Variants in HS1BP3 observed in about 807,000 individuals in gnomAD.
HS1BP3 encodes the protein HCLS1 binding protein 3, also known as HCLS1-binding protein 3.
A neutral mutation model predicts 33.5 loss-of-function variants in HS1BP3; 32 were observed. The observed-to-expected ratio is 0.95, with a 90% CI of 0.72 to 1.28. The LOEUF (loss-of-function observed/expected upper bound fraction) is 1.28. Among genes scored for constraint, HS1BP3 ranks in the 50% most tolerant of loss-of-function variants. The pLI is 0.00. For missense variants in HS1BP3, 486 were observed against 502.3 expected (o/e 0.97, Z 0.31); for synonymous variants, 187 against 209.2 (o/e 0.89, Z 0.92).
At chr2:20,596,087 A>G (rs1693936879) in intron 3 of HS1BP3, among the ~76,000 whole-genome samples, 1 of 152,122 alleles carries the variant, frequency 6.6e-6, no homozygotes, top group African/African-American at 2.4e-5. Flanking sequence ...CAGTAGCTTG[A>G]AAACCGCTGA....
chr2:20,555,827 A>G (rs1692828261), downstream of HS1BP3, among the ~76,000 whole-genome samples: 1 of 152,170 alleles, frequency 6.6e-6, no homozygotes, highest in African/African-American at 2.4e-5. Flanking sequence ...TCTTGATCTT[A>G]GAAACTCCCA....
intron 2 of HS1BP3, among the ~76,000 whole-genome samples, chr2:20,603,051 G>T (rs983413653): frequency 6.6e-6 from 1 of 152,182 alleles, no homozygotes; most frequent in African/African-American, 2.4e-5. Context: ...CATGAGGATG[G>T]CTATCATTAA....
chr2:20,631,625 T>C (rs1694972034), intron 4 of HS1BP3, among the ~76,000 whole-genome samples: 1 of 150,306 alleles, frequency 6.7e-6, no homozygotes, highest in African/African-American at 2.5e-5. Flanking sequence ...TCCAAGGACC[T>C]GTTTCTCAAC....
At chr2:20,564,371 G>T (rs973754801) in intron 5 of HS1BP3, among the ~76,000 whole-genome samples, 1 of 152,214 alleles carries the variant, frequency 6.6e-6, no homozygotes, top group African/African-American at 2.4e-5. Context: ...TCCAGCTCTG[G>T]GCTCCCTCAG....
rs267599170 is a variant in HS1BP3, at chr2:20,638,518, G to A, written c.541C>T (p.Pro181Ser). 2 of 1,614,236 alleles carry A rather than the reference G, an allele frequency of 1.2e-6. No individual in the cohort carries two copies. Among genetic ancestry groups the A allele is most frequent in the Non-Finnish European group, 1.7e-6 (2 of 1,180,028 alleles). Residue 181 changes from proline (P) to serine (S), a missense_variant, in exon 4 of 7, where the codon CCG (proline) becomes TCG (serine). Transcript: ENST00000304031. ...EEQDQVAEEG[P>S]PVQSLKGEDA... Reference sequence around the variant, plus strand: ...TCGCCCTTCAGGCTCTGGACGGGCGGACCCTCTTCTGCCACTTGGTCTTGC... The same window carrying A: ...TCGCCCTTCAGGCTCTGGACGGGCGAACCCTCTTCTGCCACTTGGTCTTGC...
intron 5 of HS1BP3, among the ~76,000 whole-genome samples, chr2:20,578,984 A>C (rs989450445): frequency 1.3e-5 from 2 of 152,236 alleles, no homozygotes; most frequent in African/African-American, 2.4e-5. Context: ...GTGGAAAGTC[A>C]GGCGGTGTCC....
At chr2:20,623,729 C>T in intron 6 of HS1BP3, 167 bp downstream of exon 6, 1 of 717,032 alleles carries the variant, frequency 1.4e-6, no homozygotes, top group African/African-American at 1.8e-5. Context: ...CCCTCAGCCC[C>T]CTTCACCGCC....
In HS1BP3 at chr2:20,598,539, CTTTTTTTTTTTTTTTTTTTTTTTTT is replaced by C. The variant is rs67769731; in HGVS notation, c.179-299_179-275del. Among the ~76,000 whole-genome samples, 7 of 63,872 alleles carry C rather than the reference CTTTTTTTTTTTTTTTTTTTTTTTTT, an allele frequency of 1.1e-4. No homozygotes were observed. The Admixed American group carries it at 1.2e-3, about 11-fold the overall frequency. The allele number at this position is 63,872 out of a possible 152,430, so 41.9% of individuals were successfully genotyped here. On this transcript the variant is annotated intron_variant, in intron 2 of 3. Transcript: ENST00000415264. ...CCTAACAGGCCAGGGACCGGTACTTCTTTTTTTTTTTTTTTTTTTTTTTTTTTTTTTTTTTTTGAGACGGAGTCTC... is the reference window on the plus strand; with the variant it reads ...CCTAACAGGCCAGGGACCGGTACTTCTTTTTTTTTTTTGAGACGGAGTCTC...
intron 3 of HS1BP3, among the ~76,000 whole-genome samples, chr2:20,593,689 C>A (rs1403284800): frequency 1.3e-5 from 2 of 152,164 alleles, no homozygotes; most frequent in Admixed American, 1.3e-4. Flanking sequence ...CCTCCCACAA[C>A]CTTCCCCCAC....
chr2:20,559,428 G>A (rs1692920024), downstream of HS1BP3, among the ~76,000 whole-genome samples: 1 of 152,206 alleles, frequency 6.6e-6, no homozygotes, highest in South Asian at 2.1e-4. Flanking sequence ...TTTGTTGGAT[G>A]TGTGGATGGA....
rs567855923 is a variant in HS1BP3, at chr2:20,561,922, C to T, written c.303-1407G>A. 4.6e-5 allele frequency among the ~76,000 whole-genome samples: 7 copies of T among 152,238 alleles called. No homozygotes were observed. The South Asian group carries it at 1.5e-3, about 32-fold the overall frequency. On this transcript the variant is annotated intron_variant, in intron 5 of 5. Coordinates refer to the HS1BP3 transcript ENST00000446825. ...GGGACTTCTAACCCTAGCGCCCAAC[C>T]TCCTGGGGTGGAAGAGAGGCTGAAG...
chr2:20,554,654 G>A, the HS1BP3 span, among the ~76,000 whole-genome samples: 5 of 150,978 alleles, frequency 3.3e-5, no homozygotes, highest in Admixed American at 6.6e-5. Context: ...CCCAGGAGGC[G>A]GAGGTTGCAA....
intron 2 of HS1BP3, among the ~76,000 whole-genome samples, chr2:20,644,248 C>T (rs552750118): frequency 5.9e-5 from 9 of 152,270 alleles, no homozygotes; most frequent in African/African-American, 1.9e-4. Flanking sequence ...CCTCTGACTC[C>T]GTAGATACCC....
At chr2:20,593,896 G>C (rs1340180820) in intron 3 of HS1BP3, among the ~76,000 whole-genome samples, 1 of 152,176 alleles carries the variant, frequency 6.6e-6, no homozygotes, top group East Asian at 1.9e-4. Flanking sequence ...GCTGCCCCAG[G>C]GCCTGCAACA....
intron 2 of HS1BP3, among the ~76,000 whole-genome samples, chr2:20,608,213 T>C (rs1694239639): frequency 6.6e-6 from 1 of 152,166 alleles, no homozygotes; most frequent in Non-Finnish European, 1.5e-5. Flanking sequence ...TATTTTACTA[T>C]CTAGATGTCT....
chr2:20,601,770 C>CTTTTTTTTTTTTTTTTTT (rs35644786), intron 2 of HS1BP3, among the ~76,000 whole-genome samples: 1 of 69,122 alleles, frequency 1.4e-5, no homozygotes, highest in Non-Finnish European at 2.5e-5. Context: ...AGTGTGTCTT[C>CTTTTTTTTTTTTTTTTTT]TTTTTTTTTT....
chr2:20,569,690 C>T (rs1007671618), intron 5 of HS1BP3, among the ~76,000 whole-genome samples: 9 of 152,208 alleles, frequency 5.9e-5, no homozygotes, highest in African/African-American at 9.7e-5. Context: ...CCTGATCCTC[C>T]GACTCCATTG....
chr2:20,593,152 C>G (rs955613689), intron 3 of HS1BP3, among the ~76,000 whole-genome samples: 5 of 151,934 alleles, frequency 3.3e-5, no homozygotes, highest in Admixed American at 6.5e-5. Context: ...GCCTTTCCCC[C>G]AGGGTCCACA....
At chr2:20,619,266 A>AC in intron 6 of HS1BP3, 21 bp from the exon 7 acceptor site, 2 of 1,564,066 alleles carry the variant, frequency 1.3e-6, no homozygotes, top group South Asian at 2.4e-5. Flanking sequence ...ACAGGGAGGA[A>AC]CCCTGAGCAT....
Sources: allele counts gnomAD v4.1 joint callset (sites outside exome capture counted in the v4.1 genomes callset), GRCh38; gene constraint gnomAD v4.1.1; transcripts MANE v1.5; gene names NCBI Gene and HGNC (gene_info 2026-07-23, HGNC 2026-07-21).